The following PAK3 variants were observed in gnomAD, a reference collection of about 807,000 sequenced individuals.
PAK3 encodes serine/threonine-protein kinase PAK 3.
A neutral mutation model predicts 41.0 loss-of-function variants in PAK3; 4 were observed. That is an observed-to-expected ratio of 0.10 (90% CI 0.05 to 0.22). PAK3 has a LOEUF of 0.22. PAK3 is among the 10% of genes least tolerant of loss of function. The pLI is 1.00. For synonymous variants in PAK3, 146 were observed against 139.6 expected (o/e 1.05, Z -0.32); for missense variants, 205 against 409.9 (o/e 0.50, Z 4.32).
chrX:111,093,514 G>A (rs960038747), upstream of PAK3, among the ~76,000 whole-genome samples: 1 of 111,918 alleles, frequency 8.9e-6, no homozygotes, highest in Non-Finnish European at 1.9e-5. Flanking sequence ...ATTTCAGATT[G>A]GAATCCCTTC....
intron 1 of PAK3, among the ~76,000 whole-genome samples, chrX:110,946,773 C>T (rs2090628494): frequency 8.9e-6 from 1 of 112,404 alleles, no homozygotes; most frequent in Admixed American, 9.4e-5. Context: ...TATGAAAATG[C>T]TAGTAATGAA....
At chrX:111,177,804 G>C (rs2094422284) in intron 11 of PAK3, among the ~76,000 whole-genome samples, 1 of 111,632 alleles carries the variant, frequency 9.0e-6, no homozygotes, top group Non-Finnish European at 1.9e-5. Flanking sequence ...TTACAATGTT[G>C]GCAGCTGTCC....
At chrX:111,141,165 C>T (rs914776802) in intron 5 of PAK3, among the ~76,000 whole-genome samples, 1 of 111,255 alleles carries the variant, frequency 9.0e-6, no homozygotes, top group African/African-American at 3.3e-5. Context: ...CGACTAGATG[C>T]CATTTTAGAG....
At chrX:110,971,202 T>C (rs2091200497) in intron 1 of PAK3, among the ~76,000 whole-genome samples, 1 of 112,139 alleles carries the variant, frequency 8.9e-6, no homozygotes, top group Admixed American at 9.5e-5. Context: ...TATTCAGTGC[T>C]CTCAAAATAA....
At chrX:111,008,232 C>T (rs1337974276) in intron 1 of PAK3, among the ~76,000 whole-genome samples, 2 of 112,475 alleles carry the variant, frequency 1.8e-5, no homozygotes, top group Non-Finnish European at 1.9e-5. Context: ...AGTTCCGTTA[C>T]TCTTAAGTGA....
chrX:110,970,505 C>T (rs1479533995), intron 1 of PAK3, among the ~76,000 whole-genome samples: 1 of 111,140 alleles, frequency 9.0e-6, no homozygotes, highest in Non-Finnish European at 1.9e-5. Context: ...AAACAGAAAA[C>T]CAAACACCGC....
intron 1 of PAK3, among the ~76,000 whole-genome samples, chrX:111,056,083 A>G (rs57147545): frequency 0.046 from 5,161 of 111,766 alleles, 292 homozygotes; most frequent in African/African-American, 0.16. Flanking sequence ...AGGGAGGGGA[A>G]AATCTAGGAA....
At chrX:111,126,665 G>A (rs2093653062) in intron 5 of PAK3, among the ~76,000 whole-genome samples, 1 of 111,377 alleles carries the variant, frequency 9.0e-6, no homozygotes, top group South Asian at 3.8e-4. Context: ...AGTGATAATT[G>A]AATATAATTA....
chrX:111,220,594 C>A lies in PAK3; in HGVS notation c.*147C>A. ...TAGAAACTTCTTATAAGCCTTTTTCCTACTCCCTCAGATTATGTAATTTAT... is the reference window on the plus strand; with the variant it reads ...TAGAAACTTCTTATAAGCCTTTTTCATACTCCCTCAGATTATGTAATTTAT... On this transcript the variant is annotated 3_prime_UTR_variant, in exon 18 of 18. Coordinates refer to ENST00000372007, the MANE Select transcript of PAK3 (RefSeq NM_002578.5). 1 of 501,732 alleles carries A rather than the reference C, an allele frequency of 2.0e-6. No individual in the cohort carries two copies. 41.3% of individuals were successfully genotyped at this position (501,732 alleles called of 1,213,427 possible).
chrX:111,133,029 T>C (rs1349178607), intron 5 of PAK3, among the ~76,000 whole-genome samples: 2 of 111,786 alleles, frequency 1.8e-5, no homozygotes, highest in Admixed American at 1.9e-4. Context: ...AGCAACCATC[T>C]GGAAGCCTGC....
chrX:111,078,403 A>G (rs746617540), intron 1 of PAK3, among the ~76,000 whole-genome samples: 1 of 110,751 alleles, frequency 9.0e-6, no homozygotes, highest in Non-Finnish European at 1.9e-5. Context: ...AATATTTCAA[A>G]CTTTTTCATT....
At chrX:111,080,017 T>C (rs995133169) in intron 1 of PAK3, among the ~76,000 whole-genome samples, 7 of 112,366 alleles carry the variant, frequency 6.2e-5, no homozygotes, top group Non-Finnish European at 1.1e-4. Context: ...TTGCTTCTTA[T>C]GGATGAGCAA....
intron 1 of PAK3, among the ~76,000 whole-genome samples, chrX:111,082,076 A>T (rs191945932): frequency 0.027 from 2,976 of 112,075 alleles, 81 homozygotes; most frequent in African/African-American, 0.088. Flanking sequence ...AAATAAAATT[A>T]AAAAAAATGA....
At chrX:111,178,980 T>TATATAGAGAGAGAG (rs1211051270) in intron 11 of PAK3, among the ~76,000 whole-genome samples, 8 of 91,614 alleles carry the variant, frequency 8.7e-5, no homozygotes, top group Non-Finnish European at 1.5e-4. Context: ...TATATATATA[T>TATATAGAGAGAGAG]AGAGAGAGAG....
intron 1 of PAK3, among the ~76,000 whole-genome samples, chrX:111,078,575 C>T (rs1418612385): frequency 9.0e-6 from 1 of 111,087 alleles, no homozygotes; most frequent in Non-Finnish European, 1.9e-5. Flanking sequence ...CTCTCTCCTT[C>T]TCCCTCTCCT....
At chrX:111,191,906 T>C (rs778505963) in intron 11 of PAK3, among the ~76,000 whole-genome samples, 37 of 111,468 alleles carry the variant, frequency 3.3e-4, no homozygotes, top group African/African-American at 1.2e-3. Context: ...TATAAAAAGA[T>C]TGTTCCAATA....
chrX:111,148,366 CT>C (rs2093980723), intron 7 of PAK3, among the ~76,000 whole-genome samples: 1 of 112,069 alleles, frequency 8.9e-6, no homozygotes, highest in Non-Finnish European at 1.9e-5. Flanking sequence ...CTATGTGTGA[CT>C]ATTTTTAGAA....
chrX:111,106,823 A>T (rs1018143143), intron 4 of PAK3, among the ~76,000 whole-genome samples: 14 of 112,294 alleles, frequency 1.2e-4, no homozygotes, highest in African/African-American at 4.5e-4. Flanking sequence ...TGTTGGTCTC[A>T]TCCAGGAGGT....
chrX:111,157,728 G>A (rs1398845503), intron 8 of PAK3, among the ~76,000 whole-genome samples: 1 of 108,826 alleles, frequency 9.2e-6, no homozygotes, highest in Non-Finnish European at 1.9e-5. Context: ...TGGAGGTTGT[G>A]GTGAACAGAG....
Sources: gnomAD v4.1 joint callset for allele counts (sites outside exome capture counted in the v4.1 genomes callset) on GRCh38, gnomAD v4.1.1 for gene constraint, MANE v1.5 for transcripts, NCBI Gene and HGNC (gene_info 2026-07-23, HGNC 2026-07-21) for gene names.